STAG1: variants seen among roughly 807,000 people sequenced by gnomAD.
STAG1 encodes cohesin subunit SA-1.
In STAG1, 26 loss-of-function variants were observed where a neutral mutation model predicts 170.9. That is an observed-to-expected ratio of 0.15 (90% confidence interval 0.11 to 0.21). STAG1 has a LOEUF of 0.21. Ranked by LOEUF, STAG1 falls within the 10% of genes least tolerant of loss-of-function variation. STAG1 has a pLI of 1.00. For synonymous variants in STAG1, 514 were observed against 497.7 expected (o/e 1.03, Z -0.44); for missense variants, 964 against 1,509.5 (o/e 0.64, Z 5.99).
chr3:136,686,393 T>C (rs1942534140), intron 1 of STAG1, among the ~76,000 whole-genome samples: 1 of 152,298 alleles, frequency 6.6e-6, no homozygotes, highest in Non-Finnish European at 1.5e-5. Context: ...TGACAGTCAA[T>C]GTCAGGGATC....
chr3:136,721,403 ATAC>A (rs1933254509), intron 1 of STAG1: 1 of 152,218 alleles, frequency 6.6e-6, no homozygotes, highest in Non-Finnish European at 1.5e-5. Context: ...TGAATATCTA[ATAC>A]TCTTTTTACA....
chr3:136,463,561 CA>C (rs1478961180), intron 13 of STAG1, among the ~76,000 whole-genome samples: 2 of 151,604 alleles, frequency 1.3e-5, no homozygotes, highest in Non-Finnish European at 2.9e-5. Flanking sequence ...CACCTATAAC[CA>C]AGAATATGTT....
At chr3:136,388,214 A>G (rs575728229) in intron 22 of STAG1, among the ~76,000 whole-genome samples, 15 of 152,304 alleles carry the variant, frequency 9.8e-5, no homozygotes, top group African/African-American at 3.1e-4. Context: ...CTCATTTTAT[A>G]TATCAGGAAA....
chr3:136,751,476 G>A (rs1391511009), intron 1 of STAG1, among the ~76,000 whole-genome samples: 2 of 151,954 alleles, frequency 1.3e-5, no homozygotes, highest in South Asian at 2.1e-4. Flanking sequence ...TCTCTCAGGG[G>A]ACTGGCAAAC....
chr3:136,681,800 GA>G (rs891849859), intron 1 of STAG1, among the ~76,000 whole-genome samples: 1 of 151,002 alleles, frequency 6.6e-6, no homozygotes, highest in African/African-American at 2.4e-5. Flanking sequence ...CTCAATGCAG[GA>G]AAAAAAATGA....
chr3:136,647,437 C>T (rs954620345), intron 1 of STAG1, among the ~76,000 whole-genome samples: 14 of 152,006 alleles, frequency 9.2e-5, no homozygotes, highest in East Asian at 5.8e-4. Context: ...GGCCTGGTAG[C>T]GCTAGCCTGT....
Position 136,427,710 on chromosome 3 carries a change from C to T in STAG1, c.1651-4666G>A, listed in dbSNP as rs76314530. ...GCCATTACTGCTATACTAGCAGGTG[C>T]AAAAACCACTGTACCTTTTGCAAAA... On this transcript the variant is annotated intron_variant, in intron 16 of 33. Transcript: ENST00000383202. 8.0e-4 allele frequency among the ~76,000 whole-genome samples: 120 copies of T among 149,522 alleles called. No individual in the cohort carries two copies. The East Asian group carries it at 0.02, about 25-fold the overall frequency.
At chr3:136,457,310 C>G (rs548668037) in intron 13 of STAG1, among the ~76,000 whole-genome samples, 3 of 152,074 alleles carry the variant, frequency 2.0e-5, no homozygotes, top group African/African-American at 7.2e-5. Flanking sequence ...CTCCCAGGCT[C>G]GTAAACATGT....
At chr3:136,444,508 A>G (rs946626162) in intron 14 of STAG1, among the ~76,000 whole-genome samples, 1 of 152,224 alleles carries the variant, frequency 6.6e-6, no homozygotes, top group African/African-American at 2.4e-5. Flanking sequence ...GGCTCATTAC[A>G]TTCAGTTAAA....
intron 1 of STAG1, among the ~76,000 whole-genome samples, chr3:136,709,013 G>T (rs1454265297): frequency 3.6e-5 from 5 of 140,580 alleles, no homozygotes; most frequent in Non-Finnish European, 6.0e-5. Context: ...GTCTCAGCCA[G>T]GTGCGGTGGT....
At chr3:136,373,814 T>C (rs1296235530) in intron 23 of STAG1, among the ~76,000 whole-genome samples, 1 of 152,236 alleles carries the variant, frequency 6.6e-6, no homozygotes, top group Non-Finnish European at 1.5e-5. Flanking sequence ...AAAGAATGTA[T>C]ATTCTGTTGA....
At chr3:136,561,345 A>G (rs1255390152) in intron 5 of STAG1, among the ~76,000 whole-genome samples, 1 of 152,208 alleles carries the variant, frequency 6.6e-6, no homozygotes, top group Non-Finnish European at 1.5e-5. Flanking sequence ...AGGAATTCTT[A>G]GTTTTCATTG....
chr3:136,401,185 C>T (rs1027225014), intron 21 of STAG1, among the ~76,000 whole-genome samples: 10 of 152,286 alleles, frequency 6.6e-5, no homozygotes, highest in South Asian at 2.1e-4. Context: ...CTGGAAACCG[C>T]CCATGGGTTC....
intron 22 of STAG1, among the ~76,000 whole-genome samples, chr3:136,394,423 G>A (rs957566541): frequency 4.6e-5 from 7 of 152,130 alleles, no homozygotes; most frequent in African/African-American, 1.7e-4. Context: ...TGCTATAAAT[G>A]CACATAAAAC....
intron 21 of STAG1, among the ~76,000 whole-genome samples, chr3:136,406,674 G>C (rs892276057): frequency 6.6e-6 from 1 of 152,100 alleles, no homozygotes; most frequent in Non-Finnish European, 1.5e-5. Flanking sequence ...ATTGAGTAAA[G>C]AGAAAAGATT....
At chr3:136,568,914 C>A in intron 4 of STAG1, 53 bp from the exon 5 acceptor site, 2 of 1,340,130 alleles carry the variant, frequency 1.5e-6, no homozygotes, top group Non-Finnish European at 2.1e-6. Flanking sequence ...GATATTATAG[C>A]AAATAAATTT....
At chr3:136,423,744 T>C (rs145457866) in intron 16 of STAG1, among the ~76,000 whole-genome samples, 2 of 152,328 alleles carry the variant, frequency 1.3e-5, no homozygotes, top group East Asian at 1.9e-4. Flanking sequence ...TGTCAAATGG[T>C]TTTACGGAAC....
chr3:136,677,347 G>A (rs1024979130), intron 1 of STAG1, among the ~76,000 whole-genome samples: 2 of 152,090 alleles, frequency 1.3e-5, no homozygotes, highest in African/African-American at 2.4e-5. Flanking sequence ...CTAGGCCATA[G>A]GAATTTTTCA....
chr3:136,376,016 C>CAAAATAAAATAAAAT (rs71157376), intron 23 of STAG1, among the ~76,000 whole-genome samples: 2,227 of 115,476 alleles, frequency 0.019, 42 homozygotes, highest in Middle Eastern at 0.034. Flanking sequence ...AAATAATTAA[C>CAAAATAAAATAAAAT]AAAATAAAAT....
Sources: allele counts gnomAD v4.1 joint callset (sites outside exome capture counted in the v4.1 genomes callset), GRCh38; gene constraint gnomAD v4.1.1; transcripts MANE v1.5; gene names NCBI Gene and HGNC (gene_info 2026-07-23, HGNC 2026-07-21).